Variants in TMEM116 observed in about 807,000 individuals in gnomAD.
The protein encoded by TMEM116 is transmembrane protein 116.
A neutral mutation model predicts 44.3 loss-of-function variants in TMEM116; 38 were observed. The ratio of observed to expected loss-of-function variants is 0.86; its 90% CI spans 0.66 to 1.12. The LOEUF (loss-of-function observed/expected upper bound fraction) is 1.12. Ranked by LOEUF, TMEM116 falls within the 50% of genes most tolerant of loss-of-function variation. The pLI, the probability that TMEM116 is intolerant of heterozygous loss-of-function variation, is 0.00. For synonymous variants in TMEM116, 132 were observed against 144.8 expected, an observed-to-expected ratio of 0.91 and a Z score of 0.64; for missense variants, 354 against 401.7, an observed-to-expected ratio of 0.88 and a Z score of 1.01.
At chr12:111,975,148 G>A (rs964486121) in intron 4 of TMEM116, among the ~76,000 whole-genome samples, 3 of 152,144 alleles carry the variant, frequency 2.0e-5, no homozygotes, top group Admixed American at 6.5e-5. Context: ...ACTGACAAGC[G>A]ATATCTGTTT....
chr12:111,933,764 G>A (rs373676237), intron 9 of TMEM116, 122 bp downstream of exon 9: 2 of 1,220,546 alleles, frequency 1.6e-6, no homozygotes, highest in Non-Finnish European at 2.3e-6. Flanking sequence ...CCAAAGTGCT[G>A]GGATTACAGG....
At chr12:111,992,365 G>A (rs11066115) in intron 3 of TMEM116, among the ~76,000 whole-genome samples, 16 of 151,780 alleles carry the variant, frequency 1.1e-4, no homozygotes, top group Admixed American at 1.1e-3. Context: ...TGCCTCCTGG[G>A]TTCACACCAT....
intron 4 of TMEM116, among the ~76,000 whole-genome samples, chr12:111,956,263 T>C (rs542741885): frequency 3.3e-5 from 5 of 152,176 alleles, no homozygotes; most frequent in Non-Finnish European, 7.4e-5. Flanking sequence ...ATATAAGAAG[T>C]GAACAAATCT....
At chr12:111,992,039 GA>G in intron 3 of TMEM116, 150 bp from the exon 4 acceptor site, 1 of 741,402 alleles carries the variant, frequency 1.3e-6, no homozygotes, top group Non-Finnish European at 2.1e-6. Flanking sequence ...CAATGCAAGG[GA>G]AGACTACAGA....
chr12:111,986,548 G>A (rs2076240182), intron 4 of TMEM116, among the ~76,000 whole-genome samples: 2 of 152,190 alleles, frequency 1.3e-5, no homozygotes, highest in African/African-American at 4.8e-5. Flanking sequence ...GGTGGCTCAC[G>A]CCTGTAATCC....
intron 1 of TMEM116, chr12:112,010,478 A>G (rs1042577126): frequency 6.6e-6 from 1 of 152,290 alleles, no homozygotes; most frequent in Non-Finnish European, 1.5e-5. Flanking sequence ...AGAGACCTCC[A>G]GTGGGTATTT....
chr12:111,998,952 T>C (rs1207178363), intron 3 of TMEM116, among the ~76,000 whole-genome samples: 2 of 152,132 alleles, frequency 1.3e-5, no homozygotes, highest in Non-Finnish European at 2.9e-5. Context: ...TCAATTCTAA[T>C]AACAGGAGAT....
At position 111,933,944 on chromosome 12, in the gene TMEM116, G is replaced by C. The variant is rs147689468; in HGVS notation, c.675C>G (p.His225Gln). The C allele has an allele frequency of 1.3e-4, 211 of 1,614,142 alleles. No individual in the cohort carries two copies. Among genetic ancestry groups the C allele is most frequent in the Admixed American group, 5.7e-4 (34 of 60,006 alleles). ...FLGSEQWAVI[H>Q]IVDQRVRFYP... ...AGAAGCGCACCCGTTGGTCCACAAT[G>C]TGAATCACTGCCCACTGTTCACTCC... The change falls in exon 9 of 11, where the codon CAC becomes CAG. Residue 225 changes from histidine (H) to glutamine (Q), a missense_variant. Coordinates refer to ENST00000552374, the MANE Select transcript of TMEM116 (RefSeq NM_001193531.2).
intron 4 of TMEM116, among the ~76,000 whole-genome samples, chr12:111,966,319 G>C (rs926948197): frequency 6.6e-6 from 1 of 151,984 alleles, no homozygotes; most frequent in African/African-American, 2.4e-5. Context: ...AAAAAACAAA[G>C]AAGAAATTTA....
intron 4 of TMEM116, among the ~76,000 whole-genome samples, chr12:111,953,898 C>T (rs1396213669): frequency 6.6e-6 from 1 of 152,134 alleles, no homozygotes; most frequent in African/African-American, 2.4e-5. Context: ...ATGTGGTTGT[C>T]TAATTCTCTG....
At chr12:111,992,735 A>G (rs1232146770) in intron 3 of TMEM116, among the ~76,000 whole-genome samples, 1 of 152,150 alleles carries the variant, frequency 6.6e-6, no homozygotes, top group African/African-American at 2.4e-5. Flanking sequence ...ACACTGGTGA[A>G]ATTTGTCTCT....
At position 111,969,004 on chromosome 12, in the gene TMEM116, A is replaced by AG. The variant is rs1156724719; in HGVS notation, c.210+22753_210+22754insC. On this transcript the variant is annotated intron_variant, in intron 4 of 10. Coordinates refer to ENST00000552374, the MANE Select transcript of TMEM116 (RefSeq NM_001193531.2). ...CGAGACTCTATCTCAAAAAAAAAAA[A>AG]AAAAAAAAAGAAAAGAAAAGAAAAA... Among the ~76,000 whole-genome samples the AG allele has an allele frequency of 7.3e-5, 11 of 150,512 alleles. No individual in the cohort carries two copies. The South Asian group carries it at 2.3e-3, about 32-fold the overall frequency.
intron 9 of TMEM116, among the ~76,000 whole-genome samples, chr12:111,933,489 C>CT (rs202131081): frequency 0.016 from 2,218 of 134,798 alleles, 38 homozygotes; most frequent in African/African-American, 0.037. Flanking sequence ...AGCCATCCTT[C>CT]TTTTTTTTTT....
At position 111,931,630 on chromosome 12, in the gene TMEM116, G is replaced by C. The variant is rs1481026419; in HGVS notation, c.1005C>G (p.Thr335=). 3.1e-6 allele frequency: 5 copies of C among 1,613,828 alleles called. No individual in the cohort carries two copies. The highest frequency in any genetic ancestry group is 4.2e-6 in the Non-Finnish European group (5 of 1,179,882). The change falls in exon 11 of 11, where the codon ACC becomes ACG. Residue 335 remains threonine (T), a synonymous_variant. Coordinates refer to ENST00000552374, the MANE Select transcript of TMEM116 (RefSeq NM_001193531.2). ...TTCCAGTATTGTAGTTTCAAAAAAT[G>C]GTAGAAGTACTGGCAGGAAAAGTCA... ...STLTFPASTS[T]IF is the part of the protein sequence containing the mutation.
chr12:111,949,657 G>T (rs945864767), intron 4 of TMEM116, among the ~76,000 whole-genome samples: 1 of 152,174 alleles, frequency 6.6e-6, no homozygotes, highest in Non-Finnish European at 1.5e-5. Flanking sequence ...AAGAAAATCT[G>T]TAATACACCT....
intron 3 of TMEM116, chr12:111,993,192 G>A (rs2076718749): frequency 2.8e-5 from 10 of 355,930 alleles, no homozygotes; most frequent in Admixed American, 6.4e-5. Flanking sequence ...TGCATTGTGT[G>A]GCTCTCGTGG....
chr12:111,975,169 G>C (rs922638802), intron 4 of TMEM116, among the ~76,000 whole-genome samples: 2 of 152,188 alleles, frequency 1.3e-5, no homozygotes, highest in Non-Finnish European at 2.9e-5. Flanking sequence ...TTTTGAGACA[G>C]AGTCTTGCTC....
At chr12:111,986,338 G>A (rs982497790) in intron 4 of TMEM116, among the ~76,000 whole-genome samples, 49 of 151,794 alleles carry the variant, frequency 3.2e-4, no homozygotes, top group African/African-American at 1.0e-3. Context: ...CAGACTGGGC[G>A]ACAGAGCAAG....
At position 111,931,481 on chromosome 12, in the gene TMEM116, C is replaced by T; in HGVS notation, c.*140G>A. ...ACTCCCAATTCATCTAGAATGACTACTAACAATGGCACTATATTTCCTTTG... is the reference window on the plus strand; with the variant it reads ...ACTCCCAATTCATCTAGAATGACTATTAACAATGGCACTATATTTCCTTTG... On this transcript the variant is annotated 3_prime_UTR_variant, in exon 11 of 11. Coordinates refer to ENST00000552374, the MANE Select transcript of TMEM116 (RefSeq NM_001193531.2). 1.3e-6 allele frequency: 1 copy of T among 742,212 alleles called. No individual in the cohort carries two copies. Among genetic ancestry groups the T allele is most frequent in the Non-Finnish European group, 2.2e-6 (1 of 453,780 alleles). The allele number at this position is 742,212 out of a possible 1,614,324, so 46.0% of individuals were successfully genotyped here.
Sources: allele counts gnomAD v4.1 joint callset (sites outside exome capture counted in the v4.1 genomes callset), GRCh38; gene constraint gnomAD v4.1.1; transcripts MANE v1.5; gene names NCBI Gene and HGNC (gene_info 2026-07-23, HGNC 2026-07-21).